EPHA6: variants seen among roughly 807,000 people sequenced by gnomAD.
EPHA6 encodes the protein EPH receptor A6, also known as ephrin type-A receptor 6.
EPHA6 carries 50 observed loss-of-function variants against 112.0 expected under a neutral mutation model. The ratio of observed to expected loss-of-function variants is 0.45; its 90% confidence interval spans 0.36 to 0.56. EPHA6 has a LOEUF of 0.56. EPHA6 is among the 20% of genes least tolerant of loss of function. The pLI, the probability that EPHA6 is intolerant of heterozygous loss-of-function variation, is 0.00. For synonymous variants in EPHA6, 529 were observed against 490.7 expected, an observed-to-expected ratio of 1.08 and a Z score of -1.03; for missense variants, 1,280 against 1,417.4, an observed-to-expected ratio of 0.90 and a Z score of 1.56.
intron 3 of EPHA6, among the ~76,000 whole-genome samples, chr3:97,163,442 A>T (rs959103188): frequency 6.6e-6 from 1 of 152,160 alleles, no homozygotes. Context: ...TATATTCAAA[A>T]TTATATTATA....
chr3:96,829,949 G>GCGCGCGCGCGCGCACACACA (rs373416797), intron 1 of EPHA6, among the ~76,000 whole-genome samples: 1 of 136,034 alleles, frequency 7.4e-6, no homozygotes, highest in African/African-American at 3.0e-5. Flanking sequence ...GCGCGCGCGC[G>GCGCGCGCGCGCGCACACACA]CACACACACA....
intron 1 of EPHA6, among the ~76,000 whole-genome samples, chr3:96,845,917 T>A (rs1348530451): frequency 1.3e-5 from 2 of 151,930 alleles, no homozygotes; most frequent in African/African-American, 4.8e-5. Flanking sequence ...ATATGGGGGA[T>A]GAATCCACCC....
chr3:96,853,943 G>C (rs2035540954), intron 1 of EPHA6, among the ~76,000 whole-genome samples: 2 of 151,738 alleles, frequency 1.3e-5, no homozygotes, highest in African/African-American at 2.4e-5. Context: ...TCAGTATTTT[G>C]CAACTACTTA....
intron 3 of EPHA6, among the ~76,000 whole-genome samples, chr3:97,046,731 T>C (rs1171491184): frequency 6.6e-6 from 1 of 151,986 alleles, no homozygotes; most frequent in East Asian, 1.9e-4. Flanking sequence ...CAATTGAAAA[T>C]TATAATTGAA....
intron 7 of EPHA6, among the ~76,000 whole-genome samples, chr3:97,475,150 G>A (rs2091333367): frequency 6.6e-6 from 1 of 151,976 alleles, no homozygotes; most frequent in Admixed American, 6.6e-5. Context: ...TTTATGTTGT[G>A]GGTTATGGCC....
chr3:97,100,454 C>T (rs2047371555), intron 3 of EPHA6, among the ~76,000 whole-genome samples: 1 of 151,726 alleles, frequency 6.6e-6, no homozygotes, highest in Admixed American at 6.6e-5. Flanking sequence ...CTATTATATA[C>T]ATTATTCTAC....
chr3:97,395,628 G>A (rs1378020075), intron 5 of EPHA6, among the ~76,000 whole-genome samples: 1 of 151,542 alleles, frequency 6.6e-6, no homozygotes, highest in African/African-American at 2.4e-5. Context: ...GTACTTTCTG[G>A]TCTGTATTAT....
chr3:97,504,630 T>G (rs2092200298), intron 10 of EPHA6, among the ~76,000 whole-genome samples: 1 of 152,198 alleles, frequency 6.6e-6, no homozygotes, highest in African/African-American at 2.4e-5. Flanking sequence ...ATCTGTGCTT[T>G]CAGGCTGTTC....
chr3:97,670,363 C>T (rs2107656562), intron 14 of EPHA6, among the ~76,000 whole-genome samples: 1 of 152,264 alleles, frequency 6.6e-6, no homozygotes, highest in Non-Finnish European at 1.5e-5. Flanking sequence ...AAAAGCAACC[C>T]TTTCTTCTCA....
intron 1 of EPHA6, among the ~76,000 whole-genome samples, 186 bp downstream of exon 1, chr3:96,815,194 A>G (rs1303031367): frequency 6.6e-6 from 1 of 152,110 alleles, no homozygotes; most frequent in Non-Finnish European, 1.5e-5. Context: ...CGGTGACTCC[A>G]CAGGCTAGGA....
chr3:97,136,569 T>TA (rs892330730), intron 3 of EPHA6, among the ~76,000 whole-genome samples: 12 of 151,224 alleles, frequency 7.9e-5, no homozygotes, highest in African/African-American at 2.2e-4. Flanking sequence ...CAATTAAAGA[T>TA]AAAAAAAATA....
In EPHA6 at chr3:97,751,987, A is replaced by G. The variant is rs1360983625; in HGVS notation, c.*3286A>G. 6.6e-6 allele frequency among the ~76,000 whole-genome samples: 1 copy of G among 152,156 alleles called. No homozygotes were observed. Among genetic ancestry groups the G allele is most frequent in the Non-Finnish European group, 1.5e-5 (1 of 67,990 alleles). Reference sequence around the variant, plus strand: ...ACAATGTACAATCAAGGAGAGAGATAAAGTATTTAAATCATTTTAAAAAGC... The same window carrying G: ...ACAATGTACAATCAAGGAGAGAGATGAAGTATTTAAATCATTTTAAAAAGC... On this transcript the variant is annotated 3_prime_UTR_variant, in exon 18 of 18. Coordinates refer to ENST00000389672, the MANE Select transcript of EPHA6 (RefSeq NM_001080448.3).
At chr3:97,175,092 G>A (rs1054069171) in intron 3 of EPHA6, among the ~76,000 whole-genome samples, 4 of 151,754 alleles carry the variant, frequency 2.6e-5, no homozygotes, top group Non-Finnish European at 5.9e-5. Flanking sequence ...AGAAATAGGG[G>A]TCTAGTTTCA....
At chr3:97,002,110 G>A (rs966610051) in intron 3 of EPHA6, among the ~76,000 whole-genome samples, 16 of 151,308 alleles carry the variant, frequency 1.1e-4, no homozygotes, top group African/African-American at 1.9e-4. Context: ...ATTTTTTACC[G>A]CCTCGTAATT....
At chr3:97,012,868 C>T (rs557247139) in intron 3 of EPHA6, among the ~76,000 whole-genome samples, 3 of 152,094 alleles carry the variant, frequency 2.0e-5, no homozygotes, top group African/African-American at 7.2e-5. Context: ...GAACACTTTT[C>T]ATATGTTTCT....
At chr3:96,959,555 C>A (rs561865299) in intron 2 of EPHA6, among the ~76,000 whole-genome samples, 2 of 152,026 alleles carry the variant, frequency 1.3e-5, no homozygotes, top group South Asian at 2.1e-4. Flanking sequence ...GATGTCATAT[C>A]TAAGAAATCA....
intron 2 of EPHA6, among the ~76,000 whole-genome samples, chr3:96,961,004 A>G (rs2041931570): frequency 6.6e-6 from 1 of 152,210 alleles, no homozygotes; most frequent in Non-Finnish European, 1.5e-5. Flanking sequence ...TTTGATGAAT[A>G]ATCCCTTCCC....
At chr3:97,550,554 A>G (rs1276269534) in intron 11 of EPHA6, among the ~76,000 whole-genome samples, 3 of 152,192 alleles carry the variant, frequency 2.0e-5, no homozygotes, top group African/African-American at 7.2e-5. Context: ...TGTTCAGGCT[A>G]TTGCAGCAAC....
rs999535510 is a variant in EPHA6, at chr3:96,831,393, A to G, written c.385+16385A>G. 9.9e-5 allele frequency among the ~76,000 whole-genome samples: 15 copies of G among 152,158 alleles called. No individual in the cohort carries two copies. The South Asian group carries it at 1.2e-3, about 13-fold the overall frequency. ...GTGGGCTACTTTTGATTTTCTTCCA[A>G]TTCGCATCTATTACAGCACCTGTCA... On this transcript the variant is annotated intron_variant, in intron 1 of 17. Transcript: ENST00000389672.
Sources: gnomAD v4.1 joint callset for allele counts (sites outside exome capture counted in the v4.1 genomes callset) on GRCh38, gnomAD v4.1.1 for gene constraint, MANE v1.5 for transcripts, NCBI Gene and HGNC (gene_info 2026-07-23, HGNC 2026-07-21) for gene names.